ARMC6: variants seen among roughly 807,000 people sequenced by gnomAD.
The protein encoded by ARMC6 is armadillo repeat-containing protein 6.
In ARMC6, 43 loss-of-function variants were observed where a neutral mutation model predicts 49.2. That is an observed-to-expected ratio of 0.87 (90% CI 0.69 to 1.13). ARMC6 has a LOEUF of 1.13. ARMC6 is among the 50% of genes most tolerant of loss of function. The pLI is 0.00. For synonymous variants in ARMC6, 262 were observed against 289.6 expected (o/e 0.90, Z 0.97); for missense variants, 627 against 682.0 (o/e 0.92, Z 0.90).
At chr19:19,054,424 C>T in intron 6 of ARMC6, 103 bp downstream of exon 6, 3 of 1,260,314 alleles carry the variant, frequency 2.4e-6, no homozygotes, top group African/African-American at 1.5e-5. Flanking sequence ...GTGTCGGAAC[C>T]AAAGTGCAGT....
chr19:19,051,538 C>A (rs964263248), intron 4 of ARMC6, 84 bp from the exon 5 acceptor site: 81 of 1,311,132 alleles, frequency 6.2e-5, no homozygotes, highest in Middle Eastern at 4.2e-4. Context: ...GGGGAGGGAA[C>A]CTTGCAGGGG....
In ARMC6 at chr19:19,042,840, G is replaced by A. The variant is rs1423892805; in HGVS notation, c.159G>A (p.Glu53=). 6.2e-7 allele frequency: 1 copy of A among 1,613,892 alleles called. No homozygotes were observed. The highest frequency in any genetic ancestry group is 2.2e-5 in the East Asian group (1 of 44,898). The part of the protein sequence containing the change: ...NIEEFAMGPE[E]AVKEAVEQFE... ...AGGAGTTTGCGATGGGGCCAGAGGA[G>A]GCAGTGAAAGAGGCCGTGGAGCAGT... The change falls in exon 3 of 9, where the codon GAG becomes GAA. Residue 53 remains glutamate (E), a synonymous_variant. Coordinates refer to ENST00000535612, the MANE Select transcript of ARMC6 (RefSeq NM_001199196.2).
At chr19:19,038,580 A>G (rs777444423) in intron 2 of ARMC6, among the ~76,000 whole-genome samples, 24 of 151,890 alleles carry the variant, frequency 1.6e-4, no homozygotes, top group South Asian at 1.2e-3. Context: ...TTGTTTGTTT[A>G]TTTATTTATT....
rs908010203 is a variant in ARMC6, at chr19:19,033,789, G to T, written c.-221G>T. On this transcript the variant is annotated 5_prime_UTR_variant, in exon 1 of 9. Coordinates refer to ENST00000535612, the MANE Select transcript of ARMC6 (RefSeq NM_001199196.2). ...TGGTTCGCGGTCGTCCTTGGTTATCGTGAGCGTCCGCGAGTCTCTGGGAGG... is the reference window on the plus strand; with the variant it reads ...TGGTTCGCGGTCGTCCTTGGTTATCTTGAGCGTCCGCGAGTCTCTGGGAGG... 1 of 247,746 alleles carries T rather than the reference G, an allele frequency of 4.0e-6. No individual in the cohort carries two copies. The highest frequency in any genetic ancestry group is 7.7e-6 in the Non-Finnish European group (1 of 129,174). 15.3% of individuals were successfully genotyped at this position (247,746 alleles called of 1,614,324 possible). A position where few individuals can be genotyped will look rare whatever the true frequency, so the allele number is the denominator to read the frequency against.
At chr19:19,057,189 C>T (rs929215) in intron 8 of ARMC6, among the ~76,000 whole-genome samples, 107,401 of 152,196 alleles carry the variant, frequency 0.71, 38,330 homozygotes, top group East Asian at 0.89. Context: ...AGGATAGATC[C>T]TGGAGCTTCC....
chr19:19,055,838 G>GCCCGACAACAGCCGCAT lies in ARMC6; in HGVS notation c.1205_1221dup (p.Ile408ProfsTer20). ...CCCTGTGCTTCCTGGCCCTGCGTAA[G>GCCCGACAACAGCCGCAT]CCCGACAACAGCCGCATCATCGTGG... is the stretch of plus-strand genomic sequence containing the variant. On this transcript the variant is annotated frameshift_variant, in exon 8 of 9. Coordinates refer to ENST00000535612, the MANE Select transcript of ARMC6 (RefSeq NM_001199196.2). LOFTEE classifies it high-confidence loss of function. This position sits in a 1 kb window ranked among gnomAD's most constrained non-coding sequence, Gnocchi z 5.7. 6.2e-7 allele frequency: 1 copy of GCCCGACAACAGCCGCAT among 1,611,458 alleles called. No individual in the cohort carries two copies. The highest frequency in any genetic ancestry group is 8.5e-7 in the Non-Finnish European group (1 of 1,178,288).
At chr19:19,042,642 C>G in intron 2 of ARMC6, 69 bp from the exon 3 acceptor site, 1 of 1,564,824 alleles carries the variant, frequency 6.4e-7, no homozygotes, top group East Asian at 2.2e-5. Flanking sequence ...GTGGCGTTTT[C>G]AAGGTGGCCA....
intron 6 of ARMC6, among the ~76,000 whole-genome samples, chr19:19,054,799 A>G (rs2059529743): frequency 6.6e-6 from 1 of 152,192 alleles, no homozygotes; most frequent in South Asian, 2.1e-4. Flanking sequence ...GACGTCAGCC[A>G]GCCTCTTTCT....
At chr19:19,044,865 C>T (rs1375773560) in intron 4 of ARMC6, among the ~76,000 whole-genome samples, 3 of 152,234 alleles carry the variant, frequency 2.0e-5, no homozygotes, top group Non-Finnish European at 4.4e-5. Flanking sequence ...GTAAACCCGG[C>T]TTGCCTAAGG....
intron 2 of ARMC6, 146 bp downstream of exon 2, chr19:19,034,384 G>A (rs2269806): frequency 0.83 from 851,041 of 1,026,710 alleles, 353,925 homozygotes; most frequent in East Asian, 0.9. Flanking sequence ...AGATAGAGAA[G>A]GTGCGGATAA....
At chr19:19,051,375 C>CTGTGTGTGTGTGTGTGTGTGTGTG (rs35164662) in intron 4 of ARMC6, among the ~76,000 whole-genome samples, 3 of 139,762 alleles carry the variant, frequency 2.1e-5, no homozygotes, top group African/African-American at 5.6e-5. Context: ...CTCTCTCTCT[C>CTGTGTGTGTGTGTGTGTGTGTGTG]TGTGTGTGTG....
At chr19:19,054,942 T>A (rs549374429) in intron 6 of ARMC6, among the ~76,000 whole-genome samples, 1 of 152,320 alleles carries the variant, frequency 6.6e-6, no homozygotes, top group Admixed American at 6.5e-5. Context: ...CAGTAGCACC[T>A]CATCCACTGT....
chr19:19,054,119 C>T (rs1296293113), intron 5 of ARMC6, 33 bp from the exon 6 acceptor site: 16 of 1,489,786 alleles, frequency 1.1e-5, no homozygotes, highest in Admixed American at 2.3e-5. Context: ...TGGTTCTTCC[C>T]GCCCCCACCA....
At chr19:19,053,629 C>T (rs961835757) in intron 5 of ARMC6, among the ~76,000 whole-genome samples, 1 of 152,146 alleles carries the variant, frequency 6.6e-6, no homozygotes. Context: ...AACTGACCGT[C>T]GCAGCCCTGT....
chr19:19,055,648 C>T lies in ARMC6; in HGVS notation c.1156-143C>T. ...CTAAGAGCTGAGCTGATATTTTTGTCACCCTGCCATTATTACACAGGAGTT... is the reference window on the plus strand; with the variant it reads ...CTAAGAGCTGAGCTGATATTTTTGTTACCCTGCCATTATTACACAGGAGTT... On this transcript the variant is annotated intron_variant, in intron 7 of 8. Transcript: ENST00000535612. This position sits in a 1 kb window ranked among gnomAD's most constrained non-coding sequence, Gnocchi z 5.7. 7.8e-7 allele frequency: 1 copy of T among 1,276,898 alleles called. No homozygotes were observed. The highest frequency in any genetic ancestry group is 2.4e-5 in the East Asian group (1 of 41,964). 79.1% of individuals were successfully genotyped at this position (1,276,898 alleles called of 1,614,324 possible).
At chr19:19,041,133 C>T (rs1043068161) in intron 2 of ARMC6, among the ~76,000 whole-genome samples, 4 of 151,930 alleles carry the variant, frequency 2.6e-5, no homozygotes, top group African/African-American at 7.2e-5. Context: ...CTAGCCCTGG[C>T]CCCAGCTCCT....
chr19:19,039,713 C>G (rs751157260), intron 2 of ARMC6, among the ~76,000 whole-genome samples: 4 of 152,236 alleles, frequency 2.6e-5, no homozygotes, highest in African/African-American at 9.6e-5. Context: ...TTGTAGCATG[C>G]TTCAGCACCT....
chr19:19,055,136 C>T lies in ARMC6; in HGVS notation c.1024-129C>T, dbSNP rs1334679503. 8 of 1,238,404 alleles carry T rather than the reference C, an allele frequency of 6.5e-6. No homozygotes were observed. The highest frequency in any genetic ancestry group is 1.5e-5 in the African/African-American group (1 of 64,656). 76.7% of individuals were successfully genotyped at this position (1,238,404 alleles called of 1,614,324 possible). On this transcript the variant is annotated intron_variant, in intron 6 of 8. Transcript: ENST00000535612. The surrounding 1 kb of genome is among the most constrained non-coding windows in gnomAD (Gnocchi z 5.7). The stretch of plus-strand genomic sequence containing the variant: ...GCCACAGGCATCTGCCACCCCTTCT[C>T]GTTAGTCACACCCTGCAGTCACACC...
Position 19,033,651 on chromosome 19 carries a change from A to T in ARMC6, c.-359A>T. The T allele has an allele frequency of 1.0e-6, 1 of 984,438 alleles. No individual in the cohort carries two copies. The highest frequency in any genetic ancestry group is 1.3e-6 in the Non-Finnish European group (1 of 786,712). 61.0% of individuals were successfully genotyped at this position (984,438 alleles called of 1,614,324 possible). On this transcript the variant is annotated 5_prime_UTR_variant, in exon 1 of 9. Coordinates refer to ENST00000535612, the MANE Select transcript of ARMC6 (RefSeq NM_001199196.2). The stretch of plus-strand genomic sequence containing the variant: ...CGCGCTGTCCGCTTCTTCTGGGCGG[A>T]CGCTCTGGAGGCAAAACATTTCCCT...
Sources: gnomAD v4.1 joint callset for allele counts (sites outside exome capture counted in the v4.1 genomes callset) on GRCh38, gnomAD v4.1.1 for gene constraint, Gnocchi (gnomAD v3.1) non-coding constraint, MANE v1.5 for transcripts, NCBI Gene and HGNC (gene_info 2026-07-23, HGNC 2026-07-21) for gene names.